Variants in STK3 observed in about 807,000 individuals in gnomAD.
STK3 encodes the protein serine/threonine-protein kinase 3.
In STK3, 41 loss-of-function variants were observed where a neutral mutation model predicts 58.0. The observed-to-expected ratio is 0.71, with a 90% CI of 0.55 to 0.92. STK3 has a LOEUF of 0.92. STK3 is among the 40% of genes least tolerant of loss of function. The pLI, the probability that STK3 is intolerant of heterozygous loss-of-function variation, is 0.00. For missense variants in STK3, 479 were observed against 602.7 expected, an observed-to-expected ratio of 0.79 and a Z score of 2.15; for synonymous variants, 170 against 191.0, an observed-to-expected ratio of 0.89 and a Z score of 0.91.
chr8:98,393,035 G>T (rs979177624), upstream of STK3, among the ~76,000 whole-genome samples: 1 of 152,120 alleles, frequency 6.6e-6, no homozygotes, highest in African/African-American at 2.4e-5. Context: ...CTCTCTGAGG[G>T]GGAGTCCACC....
At chr8:98,733,087 T>C (rs541821651) in intron 4 of STK3, among the ~76,000 whole-genome samples, 1 of 152,328 alleles carries the variant, frequency 6.6e-6, no homozygotes, top group African/African-American at 2.4e-5. Flanking sequence ...AATTTGAGCA[T>C]ATCATTGTTT....
intron 10 of STK3, among the ~76,000 whole-genome samples, chr8:98,504,704 G>A (rs1305424573): frequency 6.6e-6 from 1 of 152,174 alleles, no homozygotes; most frequent in Non-Finnish European, 1.5e-5. Context: ...CTTTAAGAAT[G>A]TTGAATACTG....
chr8:98,455,037 A>C lies in STK3; in HGVS notation c.*805T>G, dbSNP rs1402493898. The C allele has an allele frequency of 6.6e-6, 1 of 152,618 alleles. No homozygotes were observed. The highest frequency in any genetic ancestry group is 1.9e-4 in the East Asian group (1 of 5,202). 9.5% of individuals were successfully genotyped at this position (152,618 alleles called of 1,614,324 possible). A position where few individuals can be genotyped will look rare whatever the true frequency, so the allele number is the denominator to read the frequency against. ...CATAAAACATGAAACAATATTAACA[A>C]ATTACATTTGTATTAAGTTTTTATT... is the stretch of plus-strand genomic sequence containing the variant. On this transcript the variant is annotated 3_prime_UTR_variant, in exon 11 of 11. Transcript: ENST00000419617.
intron 6 of STK3, among the ~76,000 whole-genome samples, chr8:98,694,263 T>C (rs1488357800): frequency 6.6e-6 from 1 of 152,224 alleles, no homozygotes; most frequent in Non-Finnish European, 1.5e-5. Context: ...AAATGACTCC[T>C]TATGTTTGAA....
chr8:98,592,781 T>A (rs981494795), intron 7 of STK3, among the ~76,000 whole-genome samples: 8 of 120,924 alleles, frequency 6.6e-5, no homozygotes, highest in South Asian at 5.3e-4. Context: ...TTATTTATTT[T>A]GAGACAGAGT....
chr8:98,484,593 A>G (rs1822099780), intron 10 of STK3, among the ~76,000 whole-genome samples: 1 of 152,284 alleles, frequency 6.6e-6, no homozygotes, highest in South Asian at 2.1e-4. Flanking sequence ...AAACGATTTC[A>G]CCATTTACTA....
At chr8:98,364,212 C>T in the STK3 span, among the ~76,000 whole-genome samples, 5 of 152,144 alleles carry the variant, frequency 3.3e-5, no homozygotes, top group Admixed American at 2.0e-4. Context: ...CGTTAGGATC[C>T]GGCAGATGCT....
intron 1 of STK3, among the ~76,000 whole-genome samples, chr8:98,918,736 T>C (rs1839439499): frequency 6.6e-6 from 1 of 151,924 alleles, no homozygotes; most frequent in Non-Finnish European, 1.5e-5. Flanking sequence ...ACCACTACAC[T>C]CTAGCCTGGG....
At chr8:98,903,557 C>CTTCTTCTTCTACTTCTTCTTCT (rs1564093746) in intron 1 of STK3, among the ~76,000 whole-genome samples, 18 of 9,938 alleles carry the variant, frequency 1.8e-3, no homozygotes, top group African/African-American at 6.0e-3. Context: ...CTTCTTCTTC[C>CTTCTTCTTCTACTTCTTCTTCT]TTTTTTTTTT....
chr8:98,568,063 T>TGATAGATAGATAGATAGATA (rs10528436), intron 8 of STK3, among the ~76,000 whole-genome samples: 1 of 146,580 alleles, frequency 6.8e-6, no homozygotes, highest in East Asian at 2.0e-4. Context: ...CTTAGATAGA[T>TGATAGATAGATAGATAGATA]GATAGATAGA....
At position 98,477,702 on chromosome 8, in the gene STK3, CGGGG is replaced by C. The variant is rs1286720911; in HGVS notation, c.1318-21706_1318-21703del. Reference sequence around the variant, plus strand: ...AGCCTCGCATAATCATCACACTTGGCGGGGGGGGGGGGGGTGGGCGGGGGGGGGC... The same window carrying C: ...AGCCTCGCATAATCATCACACTTGGCGGGGGGGGGGTGGGCGGGGGGGGGC... On this transcript the variant is annotated intron_variant, in intron 10 of 10. Transcript: ENST00000419617. 3.1e-3 allele frequency among the ~76,000 whole-genome samples: 7 copies of C among 2,280 alleles called. 1 individual carries two copies. The highest frequency in any genetic ancestry group is 0.015 in the African/African-American group (7 of 476). 1.5% of individuals were successfully genotyped at this position (2,280 alleles called of 152,430 possible).
intron 6 of STK3, among the ~76,000 whole-genome samples, chr8:98,637,785 C>A (rs570680864): frequency 6.7e-4 from 102 of 152,102 alleles, no homozygotes; most frequent in African/African-American, 2.3e-3. Flanking sequence ...CTGACACAAA[C>A]CCACACAAAA....
intron 3 of STK3, among the ~76,000 whole-genome samples, chr8:98,835,963 G>A (rs370674085): frequency 6.6e-6 from 1 of 152,196 alleles, no homozygotes; most frequent in East Asian, 1.9e-4. Context: ...CACTTTGGGA[G>A]GCCAAGGTGG....
chr8:98,590,981 C>A (rs1815261565), intron 7 of STK3, among the ~76,000 whole-genome samples: 1 of 151,972 alleles, frequency 6.6e-6, no homozygotes, highest in Non-Finnish European at 1.5e-5. Flanking sequence ...CGTTGCTTTG[C>A]AGTTTTAATT....
intron 8 of STK3, among the ~76,000 whole-genome samples, chr8:98,571,931 TTTTA>T (rs1333300693): frequency 2.6e-5 from 4 of 152,208 alleles, no homozygotes; most frequent in Non-Finnish European, 5.9e-5. Context: ...CTTATCAGTC[TTTTA>T]AAGTGCTTTA....
chr8:98,868,646 C>G (rs1837235447), intron 3 of STK3, among the ~76,000 whole-genome samples: 3 of 152,088 alleles, frequency 2.0e-5, no homozygotes, highest in Admixed American at 2.0e-4. Context: ...AAAGATGTAT[C>G]CATTTGGAAC....
At position 98,455,777 on chromosome 8, in the gene STK3, T is replaced by C. The variant is rs996672828; in HGVS notation, c.*65A>G. 35 of 1,575,664 alleles carry C rather than the reference T, an allele frequency of 2.2e-5. No homozygotes were observed. The African/African-American group carries it at 4.3e-4, about 20-fold the overall frequency. On this transcript the variant is annotated 3_prime_UTR_variant, in exon 11 of 11. Transcript: ENST00000419617. ...AATCTTAGGATTAAAAATATCCAAA[T>C]ATTCCTTCAATTCCTAGTGGTTTCT...
Position 98,855,769 on chromosome 8 carries a change from T to C in STK3, c.110+27878A>G, listed in dbSNP as rs192566562. Among the ~76,000 whole-genome samples, 1,296 of 152,202 alleles carry C rather than the reference T, an allele frequency of 8.5e-3. 12 individuals are homozygous for C. Among genetic ancestry groups the C allele is most frequent in the African/African-American group, 0.029 (1,219 of 41,520 alleles). ...ACTCACATCTCTCACATCTGTAATCTCACCACTTTGGGAGGTTGAGGTGGG... is the reference window on the plus strand; with the variant it reads ...ACTCACATCTCTCACATCTGTAATCCCACCACTTTGGGAGGTTGAGGTGGG... On this transcript the variant is annotated intron_variant, in intron 3 of 12. Transcript: ENST00000523601.
intron 7 of STK3, among the ~76,000 whole-genome samples, chr8:98,583,889 G>C (rs1814176494): frequency 1.3e-5 from 2 of 151,660 alleles, no homozygotes; most frequent in African/African-American, 4.8e-5. Flanking sequence ...GAGACAGAGA[G>C]AAGAAAGAGA....
Sources: allele counts gnomAD v4.1 joint callset (sites outside exome capture counted in the v4.1 genomes callset), GRCh38; gene constraint gnomAD v4.1.1; transcripts MANE v1.5; gene names NCBI Gene and HGNC (gene_info 2026-07-23, HGNC 2026-07-21).